Variants in DPH6 observed in about 807,000 individuals in gnomAD.
DPH6 encodes diphthine--ammonia ligase.
DPH6 carries 33 observed loss-of-function variants against 38.2 expected under a neutral mutation model. That is an observed-to-expected ratio of 0.86 (90% CI 0.65 to 1.15). The LOEUF (loss-of-function observed/expected upper bound fraction) is 1.15, where lower values mean the gene tolerates loss of function less well. DPH6 is among the 50% of genes most tolerant of loss of function. The pLI is 0.00. For synonymous variants in DPH6, 108 were observed against 103.0 expected (o/e 1.05, Z -0.30); for missense variants, 325 against 320.0 (o/e 1.02, Z -0.12).
At chr15:35,164,545 T>C in the DPH6 span, among the ~76,000 whole-genome samples, 143 of 152,060 alleles carry the variant, frequency 9.4e-4, no homozygotes, top group African/African-American at 3.3e-3. Flanking sequence ...TTTTTTAATG[T>C]ATTCATTCTA....
intron 3 of DPH6, among the ~76,000 whole-genome samples, chr15:35,456,169 A>C (rs1408632948): frequency 1.3e-5 from 2 of 152,006 alleles, no homozygotes; most frequent in Non-Finnish European, 2.9e-5. Context: ...CCTTTCCCTA[A>C]CCTTCCTAGC....
At chr15:35,351,400 T>C (rs897911011) in intron 3 of DPH6, among the ~76,000 whole-genome samples, 1 of 152,218 alleles carries the variant, frequency 6.6e-6, no homozygotes, top group Non-Finnish European at 1.5e-5. Flanking sequence ...AGTACAGTTA[T>C]ATTTAAAGTA....
At chr15:35,452,759 G>A (rs1435187603) in intron 4 of DPH6, among the ~76,000 whole-genome samples, 2 of 152,120 alleles carry the variant, frequency 1.3e-5, no homozygotes, top group Non-Finnish European at 2.9e-5. Flanking sequence ...AAACATAATT[G>A]CAGAATGTAA....
At chr15:35,538,160 A>G in intron 3 of DPH6, 114 bp downstream of exon 3, 1 of 925,296 alleles carries the variant, frequency 1.1e-6, no homozygotes, top group Non-Finnish European at 1.5e-6. Context: ...AATCCTTTTA[A>G]AGAATAGTTG....
At chr15:35,298,734 G>A in intron 3 of DPH6, 1 of 1,573,148 alleles carries the variant, frequency 6.4e-7, no homozygotes, top group Non-Finnish European at 8.7e-7. Flanking sequence ...ATGATCTTGT[G>A]CGCCACCGTG....
chr15:35,275,862 G>A (rs1265559116), intron 3 of DPH6, among the ~76,000 whole-genome samples: 1 of 152,100 alleles, frequency 6.6e-6, no homozygotes, highest in Non-Finnish European at 1.5e-5. Flanking sequence ...ATGGCCATTG[G>A]ATTAGTTTCA....
chr15:35,365,835 T>C (rs2140912383), intron 3 of DPH6: 7 of 985,274 alleles, frequency 7.1e-6, no homozygotes, highest in Non-Finnish European at 8.4e-6. Context: ...TGACCATTTA[T>C]AGCAACAGTG....
intron 3 of DPH6, among the ~76,000 whole-genome samples, chr15:35,535,147 A>G (rs2055150178): frequency 6.6e-6 from 1 of 152,138 alleles, no homozygotes; most frequent in Non-Finnish European, 1.5e-5. Context: ...ACAACACTCA[A>G]TACAGCATTA....
intron 3 of DPH6, among the ~76,000 whole-genome samples, chr15:35,291,639 T>G (rs756498062): frequency 6.6e-6 from 1 of 152,166 alleles, no homozygotes; most frequent in African/African-American, 2.4e-5. Flanking sequence ...AATCTCTTAA[T>G]GTTCTCACCT....
intron 3 of DPH6, chr15:35,521,876 A>G (rs1246301099): frequency 7.3e-7 from 1 of 1,373,510 alleles, no homozygotes; most frequent in African/African-American, 1.5e-5. Flanking sequence ...AATGTTAATT[A>G]GTGTTCACAT....
chr15:35,298,121 T>C (rs79550677), intron 3 of DPH6: 44 of 334,428 alleles, frequency 1.3e-4, no homozygotes, highest in Non-Finnish European at 1.7e-4. Flanking sequence ...CCAACATATA[T>C]CTTACAAGTC....
chr15:35,463,278 G>A (rs908276896), intron 3 of DPH6, among the ~76,000 whole-genome samples: 1 of 151,962 alleles, frequency 6.6e-6, no homozygotes, highest in African/African-American at 2.4e-5. Flanking sequence ...TTTGTAGTAT[G>A]TATCATGAAC....
intron 5 of DPH6, among the ~76,000 whole-genome samples, chr15:35,421,870 G>C (rs1439153346): frequency 6.6e-6 from 1 of 152,050 alleles, no homozygotes; most frequent in Non-Finnish European, 1.5e-5. Flanking sequence ...TTCCTTGGTA[G>C]AAAATAAGAC....
At chr15:35,182,002 T>C in the DPH6 span, among the ~76,000 whole-genome samples, 1 of 146,838 alleles carries the variant, frequency 6.8e-6, no homozygotes, top group Admixed American at 7.0e-5. Context: ...ATGTAATTAC[T>C]AAAAATAATT....
At chr15:35,489,329 G>T (rs1468321217) in intron 3 of DPH6, 2 of 985,132 alleles carry the variant, frequency 2.0e-6, no homozygotes, top group Non-Finnish European at 2.4e-6. Flanking sequence ...TGAGAAATAA[G>T]AATTTTTTGA....
chr15:35,410,784 T>G lies in DPH6; in HGVS notation c.567+51A>C. On this transcript the variant is annotated intron_variant, in intron 6 of 8. Transcript: ENST00000256538. ...TTAATCATTGTATCACAGCATTATT[T>G]TGTTTTCTCCTTTAGATGGCTACAT... is the stretch of plus-strand genomic sequence containing the variant. 2.0e-6 allele frequency: 3 copies of G among 1,465,828 alleles called. No individual in the cohort carries two copies. The South Asian group carries it at 4.1e-5, about 20-fold the overall frequency. The allele number at this position is 1,465,828 out of a possible 1,614,324, so 90.8% of individuals were successfully genotyped here.
chr15:35,328,021 G>A (rs760637037), downstream of DPH6, among the ~76,000 whole-genome samples: 3 of 152,026 alleles, frequency 2.0e-5, no homozygotes, highest in Non-Finnish European at 2.9e-5. Flanking sequence ...CCTCTACAAC[G>A]TAAGAGCTTC....
At chr15:35,373,117 GT>G (rs959177161) in intron 8 of DPH6, among the ~76,000 whole-genome samples, 1 of 151,426 alleles carries the variant, frequency 6.6e-6, no homozygotes, top group African/African-American at 2.4e-5. Context: ...TTTTGTAAAG[GT>G]TTTATTTCTC....
At chr15:35,366,262 GTA>G (rs1555395680), downstream of DPH6, among the ~76,000 whole-genome samples, 8 of 135,760 alleles carry the variant, frequency 5.9e-5, no homozygotes, top group Non-Finnish European at 8.3e-5. Flanking sequence ...GTGTGTGTGT[GTA>G]TACATATAAA....
Sources: allele counts gnomAD v4.1 joint callset (sites outside exome capture counted in the v4.1 genomes callset), GRCh38; gene constraint gnomAD v4.1.1; transcripts MANE v1.5; gene names NCBI Gene and HGNC (gene_info 2026-07-23, HGNC 2026-07-21).